Variants in TAC3 observed in about 807,000 individuals in gnomAD.
TAC3 encodes tachykinin-3.
Under a neutral mutation model 16.5 loss-of-function variants are expected in TAC3, and 9 were observed. The observed-to-expected ratio is 0.55, with a 90% confidence interval of 0.33 to 0.95. TAC3 has a LOEUF of 0.95. TAC3 is among the 40% of genes least tolerant of loss of function. The pLI is 0.03. For synonymous variants in TAC3, 52 were observed against 56.7 expected (o/e 0.92, Z 0.37); for missense variants, 129 against 149.1 (o/e 0.87, Z 0.70).
rs1029242247 is a variant in TAC3 at position 57,013,734 on chromosome 12, C to T, written c.115-63G>A. 10 of 1,331,070 alleles carry T rather than the reference C, an allele frequency of 7.5e-6. No individual in the cohort carries two copies. The South Asian group carries it at 1.1e-4, about 15-fold the overall frequency. The allele number at this position is 1,331,070 out of a possible 1,614,324, so 82.5% of individuals were successfully genotyped here. A position where few individuals can be genotyped will look rare whatever the true frequency, so the allele number is the denominator to read the frequency against. The stretch of plus-strand genomic sequence containing the variant: ...CCACCCGGATCCACTCATCCTTTTC[C>T]CACAAGAAACAGCCTCTTCCTGAGC... On this transcript the variant is annotated intron_variant, in intron 2 of 6. Coordinates refer to ENST00000458521, the MANE Select transcript of TAC3 (RefSeq NM_013251.4).
rs989479695 is a variant in TAC3 at position 57,016,505 on chromosome 12, C to T, written c.-124G>A. ...CCGGTGCTCCTGCAAAGAGAGAAAC[C>T]GAGTGGAGGGGATCTAGGAAGGCTG... On this transcript the variant is annotated 5_prime_UTR_variant, in exon 1 of 7. Coordinates refer to ENST00000458521, the MANE Select transcript of TAC3 (RefSeq NM_013251.4). The T allele has an allele frequency of 1.5e-5, 7 of 454,420 alleles. No individual in the cohort carries two copies. Among genetic ancestry groups the T allele is most frequent in the East Asian group, 1.4e-4 (2 of 14,388 alleles). The allele number at this position is 454,420 out of a possible 1,614,324, so 28.1% of individuals were successfully genotyped here. A position where few individuals can be genotyped will look rare whatever the true frequency, so the allele number is the denominator to read the frequency against.
At chr12:57,013,040 C>T (rs1956324072) in intron 4 of TAC3, 165 bp from the exon 5 acceptor site, 2 of 882,062 alleles carry the variant, frequency 2.3e-6, no homozygotes, top group African/African-American at 3.3e-5. Flanking sequence ...CCCACTCTCT[C>T]TGCTCACCTT....
chr12:57,013,545 C>G, intron 3 of TAC3, 33 bp downstream of exon 3: 2 of 1,606,284 alleles, frequency 1.2e-6, no homozygotes, highest in African/African-American at 1.3e-5. Flanking sequence ...AATCCTGCCC[C>G]TCATTCCCCT....
At chr12:57,014,557 C>G (rs1956347152) in intron 2 of TAC3, among the ~76,000 whole-genome samples, 1 of 152,166 alleles carries the variant, frequency 6.6e-6, no homozygotes, top group Non-Finnish European at 1.5e-5. Context: ...CCCTCTCATT[C>G]ATTGACCAAG....
chr12:57,012,334 C>A (rs777054872), intron 6 of TAC3, 44 bp downstream of exon 6: 3 of 1,553,240 alleles, frequency 1.9e-6, no homozygotes, highest in South Asian at 1.1e-5. Context: ...CCCCCACAGC[C>A]CCCTCCCCAG....
At chr12:57,013,778 C>A in intron 2 of TAC3, 107 bp from the exon 3 acceptor site, 1 of 950,750 alleles carries the variant, frequency 1.1e-6, no homozygotes, top group Non-Finnish European at 1.6e-6. Context: ...AATCCGACAC[C>A]CTATTTCTTT....
At chr12:57,015,186 G>A (rs772270904) in intron 2 of TAC3, among the ~76,000 whole-genome samples, 1 of 152,136 alleles carries the variant, frequency 6.6e-6, no homozygotes, top group South Asian at 2.1e-4. Context: ...TGAGGTTACT[G>A]GGGGTGGATG....
chr12:57,013,288 C>T, intron 4 of TAC3, 71 bp downstream of exon 4: 1 of 1,570,200 alleles, frequency 6.4e-7, no homozygotes, highest in South Asian at 1.1e-5. Context: ...GACAAAATGG[C>T]CCCTGGGCCC....
At position 57,013,639 on chromosome 12, in the gene TAC3, T is replaced by C. The variant is rs766664579; in HGVS notation, c.147A>G (p.Arg49=). ...RDPDLYQLLQ[R]LFKSHSSLEG... is the part of the protein sequence containing the mutation. ...CCAGAGATGAGTGGCTTTTGAAGAG[T>C]CTCTGGAGCAGCTGGTAGAGATCTG... Residue 49 remains arginine (R), a synonymous_variant, in exon 3 of 7, where the codon AGA becomes AGG. Transcript: ENST00000458521. 1.2e-6 allele frequency: 2 copies of C among 1,613,154 alleles called. No homozygotes were observed. Among genetic ancestry groups the C allele is most frequent in the East Asian group, 4.5e-5 (2 of 44,834 alleles).
intron 6 of TAC3, 45 bp from the exon 7 acceptor site, chr12:57,010,333 A>G (rs1471177751): frequency 1.5e-5 from 6 of 389,772 alleles, no homozygotes; most frequent in Non-Finnish European, 5.0e-6. Flanking sequence ...CACTGAAATC[A>G]CATCTTATAT....
At chr12:57,011,539 C>G (rs1451915584) in intron 6 of TAC3, among the ~76,000 whole-genome samples, 2 of 152,216 alleles carry the variant, frequency 1.3e-5, no homozygotes, top group Non-Finnish European at 2.9e-5. Context: ...TCAGCCCACT[C>G]AGGCCTGGGG....
chr12:57,011,027 CAG>C (rs2136416035), intron 6 of TAC3: 1 of 152,710 alleles, frequency 6.5e-6, no homozygotes, highest in African/African-American at 2.4e-5. Context: ...AACGCTGGAG[CAG>C]AGTATGTCAT....
chr12:57,014,243 T>C (rs991214522), intron 2 of TAC3, among the ~76,000 whole-genome samples: 1 of 151,944 alleles, frequency 6.6e-6, no homozygotes, highest in Non-Finnish European at 1.5e-5. Flanking sequence ...TTTTTTTTTT[T>C]AGCAACTTGC....
At chr12:57,015,613 C>T in intron 2 of TAC3, 71 bp downstream of exon 2, 2 of 1,422,154 alleles carry the variant, frequency 1.4e-6, no homozygotes, top group Non-Finnish European at 2.0e-6. Context: ...AGTTTCCTCA[C>T]TACAGCTGTC....
Position 57,015,732 on chromosome 12 carries a change from G to C in TAC3, c.66C>G (p.Val22=), listed in dbSNP as rs576462530. Residue 22 remains valine (V), a synonymous_variant, in exon 2 of 7, where the codon GTC becomes GTG. Coordinates refer to ENST00000458521, the MANE Select transcript of TAC3 (RefSeq NM_013251.4). ...CCACCTCCTCCTGTGGCTCCTTACA[G>C]ACAGCCCCAAAGCTCTGAGCTAGGC... ...AFSLAQSFGA[V]CKEPQEEVVP... is the part of the protein sequence containing the mutation. 4.3e-6 allele frequency: 7 copies of C among 1,614,144 alleles called. No individual in the cohort carries two copies. The South Asian group carries it at 7.7e-5, about 18-fold the overall frequency.
intron 6 of TAC3, 66 bp from the exon 7 acceptor site, chr12:57,010,354 A>T: frequency 2.8e-6 from 1 of 351,448 alleles, no homozygotes; most frequent in Non-Finnish European, 5.6e-6. Context: ...CCTGTAAAAA[A>T]GTCCCACTGA....
At chr12:57,012,287 A>T in intron 6 of TAC3, 91 bp downstream of exon 6, 1 of 1,218,818 alleles carries the variant, frequency 8.2e-7, no homozygotes, top group Non-Finnish European at 1.2e-6. Flanking sequence ...TATGAGCTTT[A>T]ATACCTGTAG....
At chr12:57,013,334 T>G (rs376160659) in intron 4 of TAC3, 25 bp downstream of exon 4, 2 of 1,613,596 alleles carry the variant, frequency 1.2e-6, no homozygotes, top group Admixed American at 1.7e-5. Context: ...TGGCAAGAGA[T>G]AGGGAGGGAG....
intron 5 of TAC3, 56 bp from the exon 6 acceptor site, chr12:57,012,508 C>A (rs1330548227): frequency 6.2e-7 from 1 of 1,607,856 alleles, no homozygotes; most frequent in African/African-American, 1.3e-5. Context: ...TGAACTACAC[C>A]CTGATCCAAC....
Sources: gnomAD v4.1 joint callset for allele counts (sites outside exome capture counted in the v4.1 genomes callset) on GRCh38, gnomAD v4.1.1 for gene constraint, MANE v1.5 for transcripts, NCBI Gene and HGNC (gene_info 2026-07-23, HGNC 2026-07-21) for gene names.